Variants in ARB2A observed in about 807,000 individuals in gnomAD.
ARB2A encodes ARB2 cotranscriptional regulator A.
the ARB2A span, among the ~76,000 whole-genome samples, chr5:94,085,721 G>GA: frequency 1.1e-4 from 16 of 151,752 alleles, no homozygotes; most frequent in Middle Eastern, 3.4e-3. Flanking sequence ...ACAACAAATG[G>GA]AAAAAAAACT....
chr5:93,715,654 T>A, the ARB2A span, among the ~76,000 whole-genome samples: 2 of 152,086 alleles, frequency 1.3e-5, no homozygotes, highest in African/African-American at 4.8e-5. Flanking sequence ...TTTTTTTTTT[T>A]TTTTATTAGG....
At chr5:93,985,628 T>C in the ARB2A span, among the ~76,000 whole-genome samples, 3 of 152,310 alleles carry the variant, frequency 2.0e-5, no homozygotes, top group East Asian at 5.8e-4. Context: ...TTTCGCCCTG[T>C]TGGCCGGGCT....
At chr5:93,902,822 A>G in the ARB2A span, among the ~76,000 whole-genome samples, 1 of 152,094 alleles carries the variant, frequency 6.6e-6, no homozygotes, top group Non-Finnish European at 1.5e-5. Flanking sequence ...AAGAGCCATT[A>G]TTTGTCATGC....
At chr5:93,918,366 G>A in the ARB2A span, among the ~76,000 whole-genome samples, 1 of 149,362 alleles carries the variant, frequency 6.7e-6, no homozygotes, top group Non-Finnish European at 1.5e-5. Context: ...ACATGAAGAA[G>A]TAACTTAACT....
chr5:93,642,429 G>A, the ARB2A span, among the ~76,000 whole-genome samples: 1 of 152,118 alleles, frequency 6.6e-6, no homozygotes, highest in African/African-American at 2.4e-5. Flanking sequence ...CTGGAGTGCA[G>A]TGCATGATCT....
the ARB2A span, among the ~76,000 whole-genome samples, chr5:93,707,958 C>T: frequency 6.6e-6 from 1 of 152,174 alleles, no homozygotes; most frequent in Non-Finnish European, 1.5e-5. Context: ...TTACTCCTTT[C>T]CTCAACTTTT....
the ARB2A span, among the ~76,000 whole-genome samples, chr5:93,669,615 T>C: frequency 1.1e-4 from 16 of 152,328 alleles, no homozygotes; most frequent in East Asian, 2.3e-3. Flanking sequence ...TTACGTGTTG[T>C]TGTCATGTTG....
the ARB2A span, among the ~76,000 whole-genome samples, chr5:94,003,740 G>C: frequency 6.6e-6 from 1 of 152,008 alleles, no homozygotes; most frequent in South Asian, 2.1e-4. Flanking sequence ...CGTGTTCATG[G>C]ATACAAAGCT....
At chr5:93,855,303 T>C in the ARB2A span, among the ~76,000 whole-genome samples, 4 of 152,180 alleles carry the variant, frequency 2.6e-5, no homozygotes, top group Non-Finnish European at 2.9e-5. Context: ...TTGTTTTCCA[T>C]TGGCTTGGTA....
the ARB2A span, among the ~76,000 whole-genome samples, chr5:93,999,773 C>T: frequency 6.6e-6 from 1 of 152,018 alleles, no homozygotes; most frequent in East Asian, 1.9e-4. Context: ...TCCATGATTA[C>T]AGTACCATAC....
the ARB2A span, among the ~76,000 whole-genome samples, chr5:93,924,709 A>C: frequency 3.9e-5 from 6 of 152,194 alleles, no homozygotes; most frequent in African/African-American, 1.4e-4. Context: ...ACAAAACTCT[A>C]AAGTGTTGAA....
the ARB2A span, chr5:93,739,541 T>C: frequency 3.3e-5 from 5 of 152,098 alleles, no homozygotes; most frequent in South Asian, 2.1e-4. Context: ...GGACAATAAA[T>C]AGAGCATGCA....
chr5:94,003,220 G>A, the ARB2A span, among the ~76,000 whole-genome samples: 5 of 151,974 alleles, frequency 3.3e-5, no homozygotes, highest in South Asian at 8.3e-4. Flanking sequence ...ATTTGATAGA[G>A]TATCAACAAA....
chr5:93,668,354 C>A, the ARB2A span, among the ~76,000 whole-genome samples: 2 of 152,222 alleles, frequency 1.3e-5, no homozygotes, highest in African/African-American at 2.4e-5. Flanking sequence ...ATCCTCCCAA[C>A]TCAGCCTCCA....
the ARB2A span, among the ~76,000 whole-genome samples, chr5:94,016,656 G>A: frequency 6.6e-6 from 1 of 152,178 alleles, no homozygotes; most frequent in South Asian, 2.1e-4. Context: ...TTATGCAGAT[G>A]ATGAGAAATG....
chr5:93,958,756 A>G, the ARB2A span: 2 of 1,472,900 alleles, frequency 1.4e-6, no homozygotes, highest in South Asian at 1.6e-5. Context: ...CAAAAAAAAA[A>G]ACCCAGGAAA....
chr5:93,934,394 C>T, the ARB2A span, among the ~76,000 whole-genome samples: 1 of 152,194 alleles, frequency 6.6e-6, no homozygotes, highest in Non-Finnish European at 1.5e-5. Context: ...CAGGTAGTTG[C>T]TTACACAACA....
chr5:93,735,115 C>G, the ARB2A span: 2 of 152,166 alleles, frequency 1.3e-5, no homozygotes, highest in African/African-American at 4.8e-5. Flanking sequence ...ACATTGTTAA[C>G]TACTTAACAA....
At chr5:94,070,985 G>A in the ARB2A span, among the ~76,000 whole-genome samples, 2 of 152,140 alleles carry the variant, frequency 1.3e-5, no homozygotes, top group African/African-American at 4.8e-5. Flanking sequence ...TGGTGTTCTA[G>A]TTCTTACAAA....
Sources: gnomAD v4.1 joint callset for allele counts (sites outside exome capture counted in the v4.1 genomes callset) on GRCh38, gnomAD v4.1.1 for gene constraint, MANE v1.5 for transcripts, NCBI Gene and HGNC (gene_info 2026-07-23, HGNC 2026-07-21) for gene names.